The following LMNB1 variants were observed in gnomAD, a reference collection of about 807,000 sequenced individuals.
LMNB1 encodes the protein lamin-B1.
A neutral mutation model predicts 67.1 loss-of-function variants in LMNB1; 23 were observed. The ratio of observed to expected loss-of-function variants is 0.34; its 90% confidence interval spans 0.25 to 0.49. The LOEUF (loss-of-function observed/expected upper bound fraction) is 0.49, where lower values mean the gene tolerates loss of function less well. Among genes scored for constraint, LMNB1 ranks in the 20% least tolerant of loss-of-function variants. The pLI is 0.99. For missense variants in LMNB1, 634 were observed against 746.5 expected, an observed-to-expected ratio of 0.85 and a Z score of 1.76; for synonymous variants, 281 against 282.9, an observed-to-expected ratio of 0.99 and a Z score of 0.07.
intron 5 of LMNB1, among the ~76,000 whole-genome samples, chr5:126,817,078 G>GTTTGTTTGTTTGTTT (rs367876694): frequency 3.1e-4 from 7 of 22,770 alleles, no homozygotes; most frequent in Non-Finnish European, 4.9e-4. Context: ...CCGTTTGTTT[G>GTTTGTTTGTTTGTTT]GTTTGTTTGT....
intron 1 of LMNB1, among the ~76,000 whole-genome samples, chr5:126,789,179 G>T (rs1052860750): frequency 1.3e-5 from 2 of 152,144 alleles, no homozygotes; most frequent in Non-Finnish European, 2.9e-5. Flanking sequence ...GAGCCACTGT[G>T]TCTGGCGGGA....
At chr5:126,823,225 T>C (rs2973600) in intron 8 of LMNB1, among the ~76,000 whole-genome samples, 44,678 of 152,036 alleles carry the variant, frequency 0.29, 6,892 homozygotes, top group South Asian at 0.4. Flanking sequence ...CAGCAATCTC[T>C]AGCCTTGGGT....
rs57114367 is a variant in LMNB1, at chr5:126,800,982, A to ATTTTTTTTTTTTT, written c.360-3788_360-3776dup. On this transcript the variant is annotated intron_variant, in intron 1 of 10. Coordinates refer to ENST00000261366, the MANE Select transcript of LMNB1 (RefSeq NM_005573.4). ...ATATATATATATATATATATATATA[A>ATTTTTTTTTTTTT]TTTTTTTTTTTTTTTTTTGGTGGTA... is the stretch of plus-strand genomic sequence containing the variant. 1.4e-3 allele frequency among the ~76,000 whole-genome samples: 27 copies of ATTTTTTTTTTTTT among 18,630 alleles called. 2 individuals are homozygous for ATTTTTTTTTTTTT. The highest frequency in any genetic ancestry group is 4.1e-3 in the African/African-American group (24 of 5,924). 12.2% of individuals were successfully genotyped at this position (18,630 alleles called of 152,430 possible). A position where few individuals can be genotyped will look rare whatever the true frequency, so the allele number is the denominator to read the frequency against.
chr5:126,811,733 G>C (rs373668804), intron 4 of LMNB1, 40 bp from the exon 5 acceptor site: 5 of 1,558,046 alleles, frequency 3.2e-6, no homozygotes, highest in African/African-American at 1.4e-5. Context: ...TTTTGTTTCA[G>C]TTCTAGATAA....
At chr5:126,814,675 A>G (rs1042560768) in intron 5 of LMNB1, among the ~76,000 whole-genome samples, 1 of 152,004 alleles carries the variant, frequency 6.6e-6, no homozygotes, top group African/African-American at 2.4e-5. Flanking sequence ...AGTAGCTGGG[A>G]TTACAGGCAC....
intron 1 of LMNB1, among the ~76,000 whole-genome samples, chr5:126,804,556 C>T (rs546538030): frequency 6.6e-6 from 1 of 152,224 alleles, no homozygotes; most frequent in Admixed American, 6.5e-5. Flanking sequence ...TTAATATGGA[C>T]GTCTTTGACC....
chr5:126,832,663 G>GT (rs758298052), intron 9 of LMNB1, 31 bp from the exon 10 acceptor site: 38 of 1,506,230 alleles, frequency 2.5e-5, no homozygotes, highest in Admixed American at 1.3e-4. Flanking sequence ...TTTTAAGTGT[G>GT]TTTTTTAACT....
intron 1 of LMNB1, among the ~76,000 whole-genome samples, chr5:126,791,924 A>G (rs544907192): frequency 4.6e-5 from 7 of 151,832 alleles, no homozygotes; most frequent in African/African-American, 1.2e-4. Flanking sequence ...CTGGGATTAC[A>G]GGTGCCCACC....
chr5:126,776,826 G>C (rs1214622841), upstream of LMNB1: 1 of 152,212 alleles, frequency 6.6e-6, no homozygotes, highest in Non-Finnish European at 1.5e-5. Context: ...CGGCGGGAGG[G>C]CCCTGGGCCC....
chr5:126,817,393 T>G (rs1294778305), intron 5 of LMNB1, among the ~76,000 whole-genome samples: 1 of 152,242 alleles, frequency 6.6e-6, no homozygotes, highest in Non-Finnish European at 1.5e-5. Context: ...CTGAGTGTGC[T>G]CACTGGTACT....
rs1291709515 is a variant in LMNB1 at position 126,820,978 on chromosome 5, G to A, written c.1229G>A (p.Arg410His). 7.4e-6 allele frequency: 12 copies of A among 1,614,002 alleles called. No homozygotes were observed. The highest frequency in any genetic ancestry group is 2.2e-5 in the East Asian group (1 of 44,880). Residue 410 changes from arginine (R) to histidine (H), a missense_variant, in exon 7 of 11, where the codon CGT becomes CAT. Transcript: ENST00000261366. ...VSRASSSRSV[R>H]TTRGKRKRVD... ...CGAGCATCCTCAAGTCGTAGTGTAC[G>A]TACAACTAGAGGAAAGCGGAAGAGG...
intron 9 of LMNB1, among the ~76,000 whole-genome samples, chr5:126,829,052 G>A (rs1240080525): frequency 6.6e-6 from 1 of 151,434 alleles, no homozygotes; most frequent in Admixed American, 6.6e-5. Flanking sequence ...ACCACATTAG[G>A]AACAATCTAT....
At chr5:126,808,102 A>C (rs1335579282) in intron 3 of LMNB1, among the ~76,000 whole-genome samples, 1 of 151,682 alleles carries the variant, frequency 6.6e-6, no homozygotes, top group Admixed American at 6.6e-5. Context: ...GAACTCCTGA[A>C]CTCAAGTGCT....
In LMNB1 at chr5:126,814,695, C is replaced by A. The variant is rs529485570; in HGVS notation, c.939+2797C>A. Among the ~76,000 whole-genome samples, 11 of 152,254 alleles carry A rather than the reference C, an allele frequency of 7.2e-5. No individual in the cohort carries two copies. In the East Asian group the frequency reaches 1.7e-3, roughly 24 times the overall value. ...CTGGGATTACAGGCACGCGCTACCA[C>A]GCCCAGCTAATTCTTTGTATTTTTA... On this transcript the variant is annotated intron_variant, in intron 5 of 10. Coordinates refer to ENST00000261366, the MANE Select transcript of LMNB1 (RefSeq NM_005573.4).
In LMNB1 at chr5:126,822,887, T is replaced by G. The variant is rs1751904232; in HGVS notation, c.1491+2T>G. The G allele has an allele frequency of 3.3e-6, 5 of 1,513,288 alleles. No homozygotes were observed. The highest frequency in any genetic ancestry group is 9.2e-7 in the Non-Finnish European group (1 of 1,089,764). 93.7% of individuals were successfully genotyped at this position (1,513,288 alleles called of 1,614,324 possible). On this transcript the variant is annotated splice_donor_variant, in intron 8 of 10. Transcript: ENST00000261366. LOFTEE classifies it high-confidence loss of function. ...CTGAAGGCAGGCCAGACTGTTACAG[T>G]AAGTGAATCTAGTCATCATTTAATT...
chr5:126,790,898 G>A (rs1351730127), intron 1 of LMNB1, among the ~76,000 whole-genome samples: 2 of 151,982 alleles, frequency 1.3e-5, no homozygotes, highest in Non-Finnish European at 2.9e-5. Context: ...GTGGGTGCCT[G>A]TAATCCCAGC....
chr5:126,834,434 G>A lies in LMNB1; in HGVS notation c.1719+1633G>A, dbSNP rs117576669. On this transcript the variant is annotated intron_variant, in intron 10 of 10. Transcript: ENST00000261366. ...TTGGCCACGACAATCTCAATCTCAA[G>A]AGAGTACCAGGTTTCTTAAAGGGCC... 1.1e-3 allele frequency among the ~76,000 whole-genome samples: 174 copies of A among 152,320 alleles called. No individual in the cohort carries two copies. The East Asian group carries it at 0.013, about 11-fold the overall frequency.
intron 5 of LMNB1, among the ~76,000 whole-genome samples, chr5:126,816,971 C>T (rs966079437): frequency 6.6e-6 from 1 of 152,200 alleles, no homozygotes; most frequent in African/African-American, 2.4e-5. Context: ...CCAGCCTACC[C>T]TCAAGGGTGA....
upstream of LMNB1, chr5:126,777,029 G>A (rs1750468602): frequency 6.5e-6 from 1 of 154,104 alleles, no homozygotes; most frequent in Non-Finnish European, 1.4e-5. Context: ...GGAGGCGCCG[G>A]GGCGTGCCGG....
Sources: allele counts gnomAD v4.1 joint callset (sites outside exome capture counted in the v4.1 genomes callset), GRCh38; gene constraint gnomAD v4.1.1; transcripts MANE v1.5; gene names NCBI Gene and HGNC (gene_info 2026-07-23, HGNC 2026-07-21).